NRXN3: variants seen among roughly 807,000 people sequenced by gnomAD.
NRXN3 encodes the protein neurexin III.
In NRXN3, 32 loss-of-function variants were observed where a neutral mutation model predicts 137.6. The observed-to-expected ratio is 0.23, with a 90% confidence interval of 0.18 to 0.31. NRXN3 has a LOEUF of 0.31. Ranked by LOEUF, NRXN3 falls within the 10% of genes least tolerant of loss-of-function variation. The pLI is 1.00. For missense variants in NRXN3, 1,574 were observed against 2,062.5 expected (o/e 0.76, Z 4.59); for synonymous variants, 798 against 784.5 (o/e 1.02, Z -0.29).
chr14:79,095,798 T>A (rs564767230), intron 15 of NRXN3, among the ~76,000 whole-genome samples: 56 of 152,292 alleles, frequency 3.7e-4, no homozygotes, highest in Middle Eastern at 6.8e-3. Flanking sequence ...TCTTTGATTT[T>A]ATTACTTTCT....
At chr14:79,434,470 G>C (rs1358545599) in intron 15 of NRXN3, among the ~76,000 whole-genome samples, 1 of 152,160 alleles carries the variant, frequency 6.6e-6, no homozygotes, top group African/African-American at 2.4e-5. Context: ...TCTCAGAGTG[G>C]GTCAGGAAAG....
chr14:78,564,173 A>G (rs2152282597), intron 4 of NRXN3, among the ~76,000 whole-genome samples: 1 of 152,330 alleles, frequency 6.6e-6, no homozygotes, highest in South Asian at 2.1e-4. Context: ...ATAATAATAA[A>G]GCACAATAAT....
At chr14:78,443,435 A>T (rs1223399735) in intron 4 of NRXN3, among the ~76,000 whole-genome samples, 1 of 152,150 alleles carries the variant, frequency 6.6e-6, no homozygotes, top group African/African-American at 2.4e-5. Flanking sequence ...CCACCTGATC[A>T]TCTAAAATCC....
At chr14:79,592,381 C>T (rs2097814085) in intron 16 of NRXN3, among the ~76,000 whole-genome samples, 1 of 152,168 alleles carries the variant, frequency 6.6e-6, no homozygotes, top group Non-Finnish European at 1.5e-5. Context: ...TTTTTGTCTA[C>T]TGTAATAAAA....
intron 4 of NRXN3, among the ~76,000 whole-genome samples, chr14:78,313,358 T>G (rs572912096): frequency 6.6e-6 from 1 of 152,326 alleles, no homozygotes; most frequent in African/African-American, 2.4e-5. Context: ...CTGGCTTTTC[T>G]GTTGGTTCTT....
At chr14:78,359,072 A>G (rs1875057195) in intron 4 of NRXN3, among the ~76,000 whole-genome samples, 1 of 152,214 alleles carries the variant, frequency 6.6e-6, no homozygotes, top group Admixed American at 6.5e-5. Context: ...GTAATTCATT[A>G]CTGTGTAAGT....
At chr14:79,083,171 A>T (rs2047396495) in intron 15 of NRXN3, among the ~76,000 whole-genome samples, 1 of 152,232 alleles carries the variant, frequency 6.6e-6, no homozygotes, top group Admixed American at 6.5e-5. Flanking sequence ...CCTGAGGCAC[A>T]GAAGTCTTTT....
chr14:79,287,609 C>T (rs1477777590), intron 15 of NRXN3, among the ~76,000 whole-genome samples: 1 of 152,060 alleles, frequency 6.6e-6, no homozygotes, highest in South Asian at 2.1e-4. Flanking sequence ...TACTAGGGCT[C>T]AAAGTTTGTA....
intron 3 of NRXN3, among the ~76,000 whole-genome samples, chr14:78,293,605 C>T (rs2076019290): frequency 6.6e-6 from 1 of 152,116 alleles, no homozygotes; most frequent in Non-Finnish European, 1.5e-5. Flanking sequence ...AGGTCCTTCC[C>T]CTGTAACTGA....
chr14:79,568,242 G>A (rs2097567899), intron 16 of NRXN3, among the ~76,000 whole-genome samples: 1 of 152,100 alleles, frequency 6.6e-6, no homozygotes, highest in African/African-American at 2.4e-5. Context: ...AGTTCAGATG[G>A]AGAAGACATC....
chr14:78,868,697 T>C (rs1167887508), intron 10 of NRXN3, among the ~76,000 whole-genome samples: 1 of 152,024 alleles, frequency 6.6e-6, no homozygotes, highest in Non-Finnish European at 1.5e-5. Context: ...GGTGCATGCC[T>C]GTAATCCCAG....
chr14:79,080,587 T>A (rs1487474290), intron 15 of NRXN3, among the ~76,000 whole-genome samples: 2 of 152,184 alleles, frequency 1.3e-5, no homozygotes, highest in Admixed American at 1.3e-4. Context: ...AAAGTTCATG[T>A]AGCTTCTTTC....
chr14:79,152,980 C>T (rs2059937012), intron 15 of NRXN3, among the ~76,000 whole-genome samples: 1 of 151,934 alleles, frequency 6.6e-6, no homozygotes, highest in South Asian at 2.1e-4. Flanking sequence ...TTTTCACTTC[C>T]CTCTGTTTCA....
At chr14:78,788,525 A>G (rs561511875) in intron 8 of NRXN3, among the ~76,000 whole-genome samples, 35 of 152,256 alleles carry the variant, frequency 2.3e-4, no homozygotes, top group Non-Finnish European at 3.7e-4. Flanking sequence ...TGAGAATGAG[A>G]TCTGGGTATT....
At chr14:78,836,829 G>A (rs1260826748) in intron 10 of NRXN3, among the ~76,000 whole-genome samples, 1 of 152,142 alleles carries the variant, frequency 6.6e-6, no homozygotes, top group East Asian at 1.9e-4. Flanking sequence ...GGAGATAATA[G>A]ACTATGAGTA....
intron 15 of NRXN3, among the ~76,000 whole-genome samples, chr14:79,224,679 C>T (rs1321818247): frequency 6.6e-6 from 1 of 152,088 alleles, no homozygotes; most frequent in African/African-American, 2.4e-5. Context: ...TGAGTGGGCT[C>T]TTACTCCAAT....
intron 4 of NRXN3, among the ~76,000 whole-genome samples, chr14:78,504,650 G>A (rs930133885): frequency 6.6e-6 from 1 of 152,082 alleles, no homozygotes; most frequent in Admixed American, 6.6e-5. Context: ...GAGTTCTGAT[G>A]AGAAACTCAT....
chr14:78,909,107 C>T (rs2099228612), intron 10 of NRXN3, among the ~76,000 whole-genome samples: 1 of 152,036 alleles, frequency 6.6e-6, no homozygotes, highest in Non-Finnish European at 1.5e-5. Context: ...GTGCCAAAAC[C>T]GTCGTACCTA....
chr14:78,659,895 A>G lies in NRXN3; in HGVS notation c.1221+8569A>G, dbSNP rs759423034. Reference sequence around the variant, plus strand: ...AGAGAGAAATTGGCAATGTCAGTCGATTAGAGATTCCCATTCCCCTGGCTG... The same window carrying G: ...AGAGAGAAATTGGCAATGTCAGTCGGTTAGAGATTCCCATTCCCCTGGCTG... On this transcript the variant is annotated intron_variant, in intron 6 of 20. Transcript: ENST00000335750. Among the ~76,000 whole-genome samples, 9 of 152,256 alleles carry G rather than the reference A, an allele frequency of 5.9e-5. 1 individual carries two copies. Among genetic ancestry groups the G allele is most frequent in the Non-Finnish European group, 1.2e-4 (8 of 68,008 alleles).
Sources: allele counts gnomAD v4.1 joint callset (sites outside exome capture counted in the v4.1 genomes callset), GRCh38; gene constraint gnomAD v4.1.1; transcripts MANE v1.5; gene names NCBI Gene and HGNC (gene_info 2026-07-23, HGNC 2026-07-21).